The following GFUS variants were observed in gnomAD, a reference collection of about 807,000 sequenced individuals.
GFUS encodes the protein GDP-L-fucose synthase, also known as 3-5 epimerase/4-reductase.
Under a neutral mutation model 41.5 loss-of-function variants are expected in GFUS, and 42 were observed. The ratio of observed to expected loss-of-function variants is 1.01; its 90% CI spans 0.79 to 1.31. GFUS has a LOEUF of 1.31. Ranked by LOEUF, GFUS falls within the 50% of genes most tolerant of loss-of-function variation. GFUS has a pLI of 0.00. For synonymous variants in GFUS, 188 were observed against 173.4 expected, an observed-to-expected ratio of 1.08 and a Z score of -0.66; for missense variants, 437 against 428.7, an observed-to-expected ratio of 1.02 and a Z score of -0.17.
At chr8:143,616,747 C>A in intron 1 of GFUS, 24 bp from the exon 2 acceptor site, 1 of 1,613,120 alleles carries the variant, frequency 6.2e-7, no homozygotes, top group Non-Finnish European at 8.5e-7. Context: ...CAGTGGGAGG[C>A]TGAGGTCATC....
rs991067291 is a variant in GFUS, at chr8:143,617,469, C to G, written c.-12+5G>C. ...AGGGCGCGGCTGAGTCCGGTGCCAC[C>G]TCACCTGCGTCCAGCCCCACCGCCG... On this transcript the variant is annotated splice_donor_5th_base_variant and intron_variant, in intron 1 of 10. Coordinates refer to ENST00000425753, the MANE Select transcript of GFUS (RefSeq NM_003313.4). The G allele has an allele frequency of 2.0e-5, 3 of 152,322 alleles. No homozygotes were observed. The highest frequency in any genetic ancestry group is 4.4e-5 in the Non-Finnish European group (3 of 68,120). The allele number at this position is 152,322 out of a possible 1,614,324, so 9.4% of individuals were successfully genotyped here.
chr8:143,616,749 G>C, intron 1 of GFUS, 26 bp from the exon 2 acceptor site: 2 of 1,613,116 alleles, frequency 1.2e-6, no homozygotes, highest in East Asian at 4.5e-5. Context: ...GTGGGAGGCT[G>C]AGGTCATCAC....
intron 3 of GFUS, 129 bp from the exon 4 acceptor site, chr8:143,615,044 C>G: frequency 1.4e-6 from 2 of 1,409,314 alleles, no homozygotes; most frequent in South Asian, 3.0e-5. Context: ...CCTGCCCATC[C>G]TAACCGTTTC....
Position 143,614,870 on chromosome 8 carries a change from C to T in GFUS, c.307G>A (p.Glu103Lys), listed in dbSNP as rs781407024. 12 of 1,613,490 alleles carry T rather than the reference C, an allele frequency of 7.4e-6. No individual in the cohort carries two copies. The highest frequency in any genetic ancestry group is 4.4e-5 in the South Asian group (4 of 91,086). The change falls in exon 4 of 11, where the codon GAG becomes AAG. Residue 103 changes from glutamate to lysine, a missense_variant. Transcript: ENST00000425753. The part of the protein sequence containing the change: ...MNDNVLHSAF[E>K]VGARKVVSCL... ...GACACCACCTTGCGGGCGCCCACCT[C>T]AAAGGCCGAGTGCAGGACGTTGTCG...
chr8:143,616,837 G>T, intron 1 of GFUS, 114 bp from the exon 2 acceptor site: 1 of 1,316,808 alleles, frequency 7.6e-7, no homozygotes, highest in Non-Finnish European at 1.1e-6. Context: ...ATAGTCCACT[G>T]GCAACCAGAA....
chr8:143,613,309 C>G lies in GFUS; in HGVS notation c.811-14G>C. ...GGTTGTATCAAACTGGAGGCTTTGT[C>G]AAGGCCACAGCGAGAAGAGCACCTC... is the stretch of plus-strand genomic sequence containing the variant. On this transcript the variant is annotated splice_polypyrimidine_tract_variant and intron_variant, in intron 9 of 10. Coordinates refer to ENST00000425753, the MANE Select transcript of GFUS (RefSeq NM_003313.4). The G allele has an allele frequency of 6.2e-7, 1 of 1,613,160 alleles. No individual in the cohort carries two copies.
chr8:143,613,321 G>A (rs919321975), intron 9 of GFUS, 26 bp from the exon 10 acceptor site: 58 of 1,605,958 alleles, frequency 3.6e-5, no homozygotes, highest in Non-Finnish European at 4.6e-5. Context: ...AGGCCACAGC[G>A]AGAAGAGCAC....
At chr8:143,614,067 C>A in intron 7 of GFUS, 97 bp downstream of exon 7, 2 of 1,512,116 alleles carry the variant, frequency 1.3e-6, no homozygotes, top group South Asian at 1.2e-5. Context: ...TGGTAGGAGC[C>A]TCCCTCCTGC....
Position 143,614,374 on chromosome 8 carries a change from T to C in GFUS, c.544A>G (p.Ile182Val). The C allele has an allele frequency of 6.2e-7, 1 of 1,613,890 alleles. No individual in the cohort carries two copies. The highest frequency in any genetic ancestry group is 1.3e-5 in the African/African-American group (1 of 75,010). The change falls in exon 6 of 11, where the codon ATC becomes GTC. Residue 182 changes from isoleucine (I) to valine (V), a missense_variant. By Grantham distance (29) the Ile-to-Val change is conservative. Coordinates refer to ENST00000425753, the MANE Select transcript of GFUS (RefSeq NM_003313.4). ...NVFGPHDNFN[I>V]EDGHVLPGLI... The stretch of plus-strand genomic sequence containing the variant: ...CCAGGCAGCACGTGGCCATCCTCGA[T>C]GTTGAAGTTGTCGTGGGGCCCGAAG...
rs1194123350 is a variant in GFUS, at chr8:143,614,393, C to T, written c.525G>A (p.Gly175=). The T allele has an allele frequency of 2.5e-6, 4 of 1,613,966 alleles. No homozygotes were observed. In the Admixed American group the frequency reaches 6.7e-5, roughly 27 times the overall value. Residue 175 remains glycine (G), a synonymous_variant, in exon 6 of 11, where the codon GGG becomes GGA. Transcript: ENST00000425753. ...FTAVIPTNVF[G]PHDNFNIEDG... ...CCTCGATGTTGAAGTTGTCGTGGGG[C>T]CCGAAGACGTTGGTGGGGATGACAG...
intron 7 of GFUS, 112 bp from the exon 8 acceptor site, chr8:143,613,929 G>C: frequency 7.8e-7 from 1 of 1,280,936 alleles, no homozygotes; most frequent in Non-Finnish European, 1.1e-6. Flanking sequence ...CTCAGCCTGG[G>C]GAACAGGGGT....
At chr8:143,614,136 G>C in intron 7 of GFUS, 28 bp downstream of exon 7, 1 of 1,611,174 alleles carries the variant, frequency 6.2e-7, no homozygotes, top group Non-Finnish European at 8.5e-7. Context: ...CAGGTTCTCT[G>C]GGGAGAGCTG....
intron 3 of GFUS, among the ~76,000 whole-genome samples, chr8:143,615,440 G>T (rs960110533): frequency 1.3e-5 from 2 of 152,210 alleles, no homozygotes; most frequent in African/African-American, 4.8e-5. Flanking sequence ...GAAGGGAGAG[G>T]TGGTGGCCAG....
At position 143,614,359 on chromosome 8, in the gene GFUS, C is replaced by T. The variant is rs748034934; in HGVS notation, c.559G>A (p.Val187Met). The T allele has an allele frequency of 1.3e-5, 21 of 1,613,762 alleles. No individual in the cohort carries two copies. The highest frequency in any genetic ancestry group is 3.3e-4 in the Middle Eastern group (2 of 6,038). ...HDNFNIEDGH[V>M]LPGLIHKVHL... ...ACCTTGTGGATGAGGCCAGGCAGCA[C>T]GTGGCCATCCTCGATGTTGAAGTTG... Residue 187 changes from valine (V) to methionine (M), a missense_variant, in exon 6 of 11, where the codon GTG (valine) becomes ATG (methionine). Physicochemically the swap from Val to Met is conservative, Grantham distance 21. Transcript: ENST00000425753.
intron 8 of GFUS, 65 bp from the exon 9 acceptor site, chr8:143,613,668 T>G: frequency 6.3e-7 from 1 of 1,585,990 alleles, no homozygotes; most frequent in Non-Finnish European, 8.6e-7. Context: ...ATATTCCTGC[T>G]CCCACCCCTC....
chr8:143,612,973 G>C lies in GFUS; in HGVS notation c.911-8C>G, dbSNP rs762815040. ...CACAGGTCTCCTTCACCGCTGCAGA[G>C]GCAGGCAGGTGAGGGCCATGGACAG... On this transcript the variant is annotated splice_polypyrimidine_tract_variant and splice_region_variant and intron_variant, in intron 10 of 10. Coordinates refer to ENST00000425753, the MANE Select transcript of GFUS (RefSeq NM_003313.4). 1.9e-6 allele frequency: 3 copies of C among 1,609,334 alleles called. No individual in the cohort carries two copies. Among genetic ancestry groups the C allele is most frequent in the Non-Finnish European group, 2.5e-6 (3 of 1,178,536 alleles).
At position 143,614,439 on chromosome 8, in the gene GFUS, T is replaced by C. The variant is rs1462293373; in HGVS notation, c.479A>G (p.Gln160Arg). 3.7e-6 allele frequency: 6 copies of C among 1,612,938 alleles called. No individual in the cohort carries two copies. In the South Asian group the frequency reaches 4.4e-5, roughly 12 times the overall value. Reference protein sequence around the residue: ...IDVQNRAYFQQYGCTFTAVIP... With the variant: ...IDVQNRAYFQRYGCTFTAVIP... ...GACAGCGGTGAAGGTGCAGCCGTAC[T>C]GCTGGAAGTAGGCCCTGCGGAGGCA... Residue 160 changes from glutamine (Q) to arginine (R), a missense_variant, in exon 6 of 11, where the codon CAG (glutamine) becomes CGG (arginine). Coordinates refer to ENST00000425753, the MANE Select transcript of GFUS (RefSeq NM_003313.4).
At position 143,613,290 on chromosome 8, in the gene GFUS, A is replaced by G; in HGVS notation, c.816T>C (p.Asp272=). The G allele has an allele frequency of 6.2e-7, 1 of 1,613,998 alleles. No homozygotes were observed. Among genetic ancestry groups the G allele is most frequent in the Non-Finnish European group, 8.5e-7 (1 of 1,179,932 alleles). ...TAAACTGCCCATCCGACTTGGTTGTATCAAACTGGAGGCTTTGTCAAGGCC... is the reference window on the plus strand; with the variant it reads ...TAAACTGCCCATCCGACTTGGTTGTGTCAAACTGGAGGCTTTGTCAAGGCC... The part of the protein sequence containing the change: ...AMDFHGEVTF[D]TTKSDGQFKK... Residue 272 remains aspartate, a synonymous_variant, in exon 10 of 11, where the codon GAT becomes GAC. Transcript: ENST00000425753.
upstream of GFUS, among the ~76,000 whole-genome samples, chr8:143,617,753 C>T (rs981786306): frequency 6.6e-6 from 1 of 152,096 alleles, no homozygotes; most frequent in Non-Finnish European, 1.5e-5. Flanking sequence ...GCGCTGGGCC[C>T]AGGCCCTGCT....
Sources: allele counts gnomAD v4.1 joint callset (sites outside exome capture counted in the v4.1 genomes callset), GRCh38; gene constraint gnomAD v4.1.1; transcripts MANE v1.5; gene names NCBI Gene and HGNC (gene_info 2026-07-23, HGNC 2026-07-21).